Variants in ELP4 observed in about 807,000 individuals in gnomAD.
ELP4 encodes the protein elongator complex protein 4.
ELP4 carries 51 observed loss-of-function variants against 48.9 expected under a neutral mutation model. The observed-to-expected ratio is 1.04, with a 90% CI of 0.83 to 1.32. The LOEUF (loss-of-function observed/expected upper bound fraction) is 1.32. Ranked by LOEUF, ELP4 falls within the 40% of genes most tolerant of loss-of-function variation. ELP4 has a pLI of 0.00. For synonymous variants in ELP4, 210 were observed against 189.2 expected, an observed-to-expected ratio of 1.11 and a Z score of -0.90; for missense variants, 519 against 514.6, an observed-to-expected ratio of 1.01 and a Z score of -0.08.
chr11:31,622,392 G>T (rs1303447922), intron 5 of ELP4, among the ~76,000 whole-genome samples: 1 of 151,454 alleles, frequency 6.6e-6, no homozygotes, highest in East Asian at 1.9e-4. Flanking sequence ...ATTATTAAAA[G>T]ATTTTTAAGT....
Position 31,525,446 on chromosome 11 carries a change from C to T in ELP4, c.259+5355C>T, listed in dbSNP as rs115447161. On this transcript the variant is annotated intron_variant, in intron 2 of 9. Coordinates refer to ENST00000640961, the MANE Select transcript of ELP4 (RefSeq NM_019040.5). ...CATGAACAGTACATATATAACATGCCGATATAAGGAGTATGAAAAAGACTT... is the reference window on the plus strand; with the variant it reads ...CATGAACAGTACATATATAACATGCTGATATAAGGAGTATGAAAAAGACTT... Among the ~76,000 whole-genome samples, 436 of 151,688 alleles carry T rather than the reference C, an allele frequency of 2.9e-3. 3 individuals are homozygous for T. Among genetic ancestry groups the T allele is most frequent in the African/African-American group, 9.6e-3 (398 of 41,312 alleles).
chr11:31,538,246 T>G (rs1481006408), intron 2 of ELP4, among the ~76,000 whole-genome samples: 1 of 149,012 alleles, frequency 6.7e-6, no homozygotes. Context: ...AGTAATATGA[T>G]ATATATTACT....
chr11:31,707,312 A>C (rs1424336557), intron 9 of ELP4: 1 of 279,210 alleles, frequency 3.6e-6, no homozygotes, highest in South Asian at 1.7e-4. Context: ...TCAACTGAAA[A>C]TATAAAGTAG....
intron 9 of ELP4, among the ~76,000 whole-genome samples, chr11:31,729,721 G>A (rs1412448098): frequency 6.6e-6 from 1 of 152,066 alleles, no homozygotes; most frequent in Non-Finnish European, 1.5e-5. Context: ...ACAACCAGTT[G>A]GCTTATTAAT....
At chr11:31,567,431 C>A (rs934947425) in intron 3 of ELP4, among the ~76,000 whole-genome samples, 7 of 152,136 alleles carry the variant, frequency 4.6e-5, no homozygotes, top group Admixed American at 1.3e-4. Flanking sequence ...TGAAGAATTA[C>A]ATTTGTCCAT....
At chr11:31,770,460 T>A (rs1440233674) in intron 9 of ELP4, among the ~76,000 whole-genome samples, 2 of 151,120 alleles carry the variant, frequency 1.3e-5, no homozygotes, top group African/African-American at 4.9e-5. Flanking sequence ...GTTTTTACTA[T>A]CCAAGTACAG....
At chr11:31,765,143 A>G (rs1002066773) in intron 9 of ELP4, among the ~76,000 whole-genome samples, 10 of 152,204 alleles carry the variant, frequency 6.6e-5, no homozygotes, top group African/African-American at 2.4e-4. Context: ...ATTCATCACC[A>G]TGAAAAACTG....
intron 3 of ELP4, among the ~76,000 whole-genome samples, chr11:31,588,604 A>T (rs1292217128): frequency 6.6e-6 from 1 of 152,150 alleles, no homozygotes; most frequent in Non-Finnish European, 1.5e-5. Flanking sequence ...ATTATTTTTT[A>T]AAAATTCCAG....
intron 3 of ELP4, among the ~76,000 whole-genome samples, chr11:31,558,129 C>T (rs78436401): frequency 0.011 from 1,634 of 151,826 alleles, 34 homozygotes; most frequent in African/African-American, 0.038. Flanking sequence ...CTGTTTGACC[C>T]CAGGGTTTCA....
intron 9 of ELP4, among the ~76,000 whole-genome samples, chr11:31,673,128 A>G (rs1945844063): frequency 6.6e-6 from 1 of 151,356 alleles, no homozygotes; most frequent in South Asian, 2.1e-4. Context: ...GTGATTCTCC[A>G]GCCTCAGCCT....
chr11:31,613,716 C>CTTTT (rs570320794), intron 5 of ELP4, among the ~76,000 whole-genome samples: 1 of 126,354 alleles, frequency 7.9e-6, no homozygotes, highest in African/African-American at 2.9e-5. Flanking sequence ...GAACAAGAGT[C>CTTTT]TTTTTTTTTT....
At chr11:31,719,945 T>C (rs1946924945) in intron 9 of ELP4, 1 of 153,180 alleles carries the variant, frequency 6.5e-6, no homozygotes, top group Non-Finnish European at 1.5e-5. Flanking sequence ...CAATAAAATA[T>C]TGGGAACAAT....
chr11:31,698,495 C>A (rs777875883), intron 9 of ELP4, among the ~76,000 whole-genome samples: 2 of 152,098 alleles, frequency 1.3e-5, no homozygotes, highest in African/African-American at 2.4e-5. Context: ...TCACTGCAAC[C>A]TACATCTCCT....
intron 3 of ELP4, among the ~76,000 whole-genome samples, chr11:31,546,613 T>C (rs575812258): frequency 9.2e-5 from 14 of 152,124 alleles, no homozygotes; most frequent in South Asian, 4.2e-4. Context: ...AGGAATTGAA[T>C]TCAGCTCTGC....
intron 9 of ELP4, among the ~76,000 whole-genome samples, chr11:31,667,146 T>A (rs1377167666): frequency 1.3e-5 from 2 of 152,208 alleles, no homozygotes; most frequent in Non-Finnish European, 2.9e-5. Context: ...TCCTGGCTTG[T>A]TGAAATGTGA....
chr11:31,720,489 A>G (rs1039792269), intron 9 of ELP4, among the ~76,000 whole-genome samples: 4 of 151,098 alleles, frequency 2.6e-5, no homozygotes, highest in African/African-American at 9.7e-5. Context: ...CCCTTGTGCT[A>G]TAGTAAGGCC....
At position 31,729,821 on chromosome 11, in the gene ELP4, A is replaced by G. The variant is rs190950130; in HGVS notation, c.1144-53572A>G. ...TTGTTCTCTTCTAGCTTGTCTACGT[A>G]TAATTCAGCCACATTGACTACAGCA... On this transcript the variant is annotated intron_variant, in intron 9 of 9. Transcript: ENST00000640961. Among the ~76,000 whole-genome samples the G allele has an allele frequency of 1.1e-4, 16 of 152,336 alleles. 1 individual carries two copies. The South Asian group carries it at 3.3e-3, about 32-fold the overall frequency.
chr11:31,773,444 TGGGAG>T, intron 9 of ELP4, among the ~76,000 whole-genome samples: 1 of 152,138 alleles, frequency 6.6e-6, no homozygotes. Flanking sequence ...GGTAAAGAAT[TGGGAG>T]ACCACCACTG....
At chr11:31,629,392 G>A (rs764741455) in intron 6 of ELP4, among the ~76,000 whole-genome samples, 74 of 151,912 alleles carry the variant, frequency 4.9e-4, no homozygotes, top group Admixed American at 1.6e-3. Flanking sequence ...TTATAGTTCA[G>A]CCTTTGTTTT....
Sources: allele counts gnomAD v4.1 joint callset (sites outside exome capture counted in the v4.1 genomes callset), GRCh38; gene constraint gnomAD v4.1.1; transcripts MANE v1.5; gene names NCBI Gene and HGNC (gene_info 2026-07-23, HGNC 2026-07-21).